The following GABRB1 variants were observed in gnomAD, a reference collection of about 807,000 sequenced individuals.
GABRB1 encodes gamma-aminobutyric acid receptor subunit beta-1.
In GABRB1, 17 loss-of-function variants were observed where a neutral mutation model predicts 51.6. That is an observed-to-expected ratio of 0.33 (90% CI 0.23 to 0.49). The LOEUF is 0.49. Ranked by LOEUF, GABRB1 falls within the 20% of genes least tolerant of loss-of-function variation. The pLI, the probability that GABRB1 is intolerant of heterozygous loss-of-function variation, is 0.99. For synonymous variants in GABRB1, 247 were observed against 218.9 expected (o/e 1.13, Z -1.14); for missense variants, 410 against 600.6 (o/e 0.68, Z 3.32).
intron 5 of GABRB1, among the ~76,000 whole-genome samples, chr4:47,370,681 G>A (rs895832546): frequency 5.9e-5 from 9 of 152,160 alleles, no homozygotes; most frequent in Non-Finnish European, 1.3e-4. Context: ...TGTGCTCAAT[G>A]TGAGTAACCA....
At chr4:47,342,619 T>TA (rs1725943601) in intron 5 of GABRB1, among the ~76,000 whole-genome samples, 1 of 152,202 alleles carries the variant, frequency 6.6e-6, no homozygotes, top group Non-Finnish European at 1.5e-5. Flanking sequence ...AAACCTAGTT[T>TA]ACTTTTCAGA....
intron 4 of GABRB1, among the ~76,000 whole-genome samples, chr4:47,204,038 A>T (rs1371945839): frequency 6.6e-6 from 1 of 152,218 alleles, no homozygotes; most frequent in Non-Finnish European, 1.5e-5. Context: ...GTTGCAGAAG[A>T]TAAAGGCTGA....
intron 3 of GABRB1, among the ~76,000 whole-genome samples, chr4:47,071,326 G>A (rs1439005013): frequency 1.3e-5 from 2 of 152,176 alleles, no homozygotes; most frequent in African/African-American, 2.4e-5. Flanking sequence ...TAAGCACCAA[G>A]TCAGATCATG....
chr4:47,200,742 G>A (rs938072190), intron 4 of GABRB1, among the ~76,000 whole-genome samples: 9 of 152,160 alleles, frequency 5.9e-5, no homozygotes, highest in Non-Finnish European at 2.9e-5. Context: ...TAAAATAGCT[G>A]TATATGACAT....
intron 1 of GABRB1, among the ~76,000 whole-genome samples, chr4:47,010,801 G>A (rs1231277274): frequency 6.6e-6 from 1 of 152,138 alleles, no homozygotes; most frequent in East Asian, 1.9e-4. Context: ...TGCAAAATGA[G>A]GACAATGATA....
At chr4:47,053,283 T>G (rs1474630878) in intron 3 of GABRB1, among the ~76,000 whole-genome samples, 1 of 152,124 alleles carries the variant, frequency 6.6e-6, no homozygotes, top group Non-Finnish European at 1.5e-5. Flanking sequence ...CAACAAAAAT[T>G]TATTTTTTTC....
chr4:47,323,950 G>A (rs936188304), intron 5 of GABRB1, among the ~76,000 whole-genome samples: 7 of 152,146 alleles, frequency 4.6e-5, no homozygotes, highest in Non-Finnish European at 7.4e-5. Context: ...AGTCTAAAGC[G>A]TATTTGGAAT....
intron 3 of GABRB1, among the ~76,000 whole-genome samples, chr4:47,052,272 A>G (rs1442751242): frequency 6.6e-6 from 1 of 152,182 alleles, no homozygotes; most frequent in Non-Finnish European, 1.5e-5. Context: ...ACTGAAAAGG[A>G]ACATGAGAAA....
At chr4:47,024,639 T>C (rs942745813) in intron 1 of GABRB1, among the ~76,000 whole-genome samples, 3 of 151,758 alleles carry the variant, frequency 2.0e-5, no homozygotes, top group Admixed American at 6.6e-5. Flanking sequence ...AGTTCCTTAG[T>C]GATGATTTGT....
chr4:47,205,778 G>T (rs1438468963), intron 4 of GABRB1, among the ~76,000 whole-genome samples: 1 of 152,054 alleles, frequency 6.6e-6, no homozygotes, highest in Non-Finnish European at 1.5e-5. Context: ...AAAGAGTAAG[G>T]AAGGGAAGGA....
At chr4:47,062,250 A>C (rs918785551) in intron 3 of GABRB1, among the ~76,000 whole-genome samples, 2 of 151,444 alleles carry the variant, frequency 1.3e-5, no homozygotes, top group Non-Finnish European at 2.9e-5. Flanking sequence ...GTCCCAAGCT[A>C]TTCCCATCAG....
chr4:47,038,504 T>G (rs1323932847), intron 3 of GABRB1, among the ~76,000 whole-genome samples: 1 of 152,184 alleles, frequency 6.6e-6, no homozygotes, highest in Non-Finnish European at 1.5e-5. Context: ...GAAGTAATAA[T>G]TTTTTTAACA....
At chr4:47,252,305 T>G (rs559977831) in intron 4 of GABRB1, among the ~76,000 whole-genome samples, 34 of 151,968 alleles carry the variant, frequency 2.2e-4, no homozygotes, top group Admixed American at 2.0e-3. Context: ...GTGGGGGGTG[T>G]TTGTTCAGGA....
At chr4:47,316,545 T>TTATG (rs1490044605) in intron 4 of GABRB1, among the ~76,000 whole-genome samples, 2 of 151,902 alleles carry the variant, frequency 1.3e-5, no homozygotes, top group Admixed American at 1.3e-4. Flanking sequence ...TATGAGAATG[T>TTATG]CCTATGCCCC....
intron 5 of GABRB1, among the ~76,000 whole-genome samples, chr4:47,347,854 T>C (rs947286099): frequency 1.3e-5 from 2 of 152,122 alleles, no homozygotes. Flanking sequence ...GAAAAAGTGT[T>C]ACAGACAACA....
chr4:47,120,628 G>T (rs1054644307), intron 3 of GABRB1, among the ~76,000 whole-genome samples: 2 of 152,116 alleles, frequency 1.3e-5, no homozygotes, highest in African/African-American at 4.8e-5. Flanking sequence ...GAAAGTCCAC[G>T]GCATGTACTC....
At chr4:47,180,271 T>C (rs938596986) in intron 4 of GABRB1, among the ~76,000 whole-genome samples, 1 of 152,064 alleles carries the variant, frequency 6.6e-6, no homozygotes, top group Non-Finnish European at 1.5e-5. Flanking sequence ...ATTTCTACAG[T>C]GCACACTCTG....
intron 3 of GABRB1, among the ~76,000 whole-genome samples, chr4:47,037,250 G>A (rs187600331): frequency 7.9e-5 from 12 of 152,258 alleles, no homozygotes; most frequent in Admixed American, 6.5e-4. Flanking sequence ...TGAGGAGCTA[G>A]CAATAACTTT....
rs542318016 is a variant in GABRB1 at position 46,999,982 on chromosome 4, T to C, written c.-20+6056T>C. Reference sequence around the variant, plus strand: ...TCCAGAATCCACCCCCTAAACTTTTTCTAATAAAATTACTACCTTAAAGCC... The same window carrying C: ...TCCAGAATCCACCCCCTAAACTTTTCCTAATAAAATTACTACCTTAAAGCC... On this transcript the variant is annotated intron_variant, in intron 1 of 3. Transcript: ENST00000513567. Among the ~76,000 whole-genome samples the C allele has an allele frequency of 5.9e-5, 9 of 152,316 alleles. No individual in the cohort carries two copies. The East Asian group carries it at 1.7e-3, about 29-fold the overall frequency.
Sources: allele counts gnomAD v4.1 joint callset (sites outside exome capture counted in the v4.1 genomes callset), GRCh38; gene constraint gnomAD v4.1.1; transcripts MANE v1.5; gene names NCBI Gene and HGNC (gene_info 2026-07-23, HGNC 2026-07-21).